PIEZO2: variants seen among roughly 807,000 people sequenced by gnomAD.
The protein encoded by PIEZO2 is piezo-type mechanosensitive ion channel component 2.
In PIEZO2, 172 loss-of-function variants were observed where a neutral mutation model predicts 337.3. That is an observed-to-expected ratio of 0.51 (90% CI 0.45 to 0.58). The LOEUF (loss-of-function observed/expected upper bound fraction) is 0.58. Among genes scored for constraint, PIEZO2 ranks in the 20% least tolerant of loss-of-function variants. The pLI, the probability that PIEZO2 is intolerant of heterozygous loss-of-function variation, is 0.00. For synonymous variants in PIEZO2, 1,251 were observed against 1,228.5 expected (o/e 1.02, Z -0.38); for missense variants, 3,028 against 3,391.3 (o/e 0.89, Z 2.66).
intron 2 of PIEZO2, among the ~76,000 whole-genome samples, chr18:10,991,009 A>G (rs534908649): frequency 1.3e-5 from 2 of 152,128 alleles, no homozygotes; most frequent in South Asian, 4.2e-4. Flanking sequence ...GTATTAAGGT[A>G]ATCTTAGTTA....
chr18:11,117,152 T>C (rs771260347), intron 1 of PIEZO2, among the ~76,000 whole-genome samples: 1 of 152,164 alleles, frequency 6.6e-6, no homozygotes, highest in Non-Finnish European at 1.5e-5. Context: ...AGAGAAGATT[T>C]GAAATGTTCC....
chr18:11,078,835 G>A lies in PIEZO2; in HGVS notation c.65-12613C>T, dbSNP rs548619025. ...AGAGTATTTGGCCTTACATTTCATC[G>A]AATCACAGAGTCTGTGTTACTGAGA... On this transcript the variant is annotated intron_variant, in intron 1 of 55. Coordinates refer to ENST00000674853, the MANE Select transcript of PIEZO2 (RefSeq NM_001378183.1). This position sits in a 1 kb window ranked among gnomAD's most constrained non-coding sequence, Gnocchi z 5.3. Among the ~76,000 whole-genome samples, 58 of 152,232 alleles carry A rather than the reference G, an allele frequency of 3.8e-4. No homozygotes were observed. Among genetic ancestry groups the A allele is most frequent in the African/African-American group, 1.3e-3 (56 of 41,536 alleles).
At chr18:11,061,374 C>G (rs2037948787) in intron 2 of PIEZO2, among the ~76,000 whole-genome samples, 2 of 150,610 alleles carry the variant, frequency 1.3e-5, no homozygotes, top group African/African-American at 4.9e-5. Context: ...CTCACCACTC[C>G]TATTCAACAT....
intron 3 of PIEZO2, among the ~76,000 whole-genome samples, chr18:10,959,758 T>G (rs1021547230): frequency 2.7e-4 from 41 of 152,122 alleles, no homozygotes; most frequent in African/African-American, 9.4e-4. Flanking sequence ...ATAACAAACA[T>G]CTACATTTCT....
intron 49 of PIEZO2, among the ~76,000 whole-genome samples, chr18:10,689,126 A>T (rs1314307668): frequency 6.6e-6 from 1 of 152,240 alleles, no homozygotes; most frequent in Admixed American, 6.5e-5. Flanking sequence ...GCTCTTATGC[A>T]ACAGACTCTT....
At chr18:10,977,089 A>G (rs1183356636) in intron 3 of PIEZO2, among the ~76,000 whole-genome samples, 1 of 151,578 alleles carries the variant, frequency 6.6e-6, no homozygotes, top group African/African-American at 2.4e-5. Flanking sequence ...CAGAGTAACT[A>G]CAGTTATAAA....
intron 2 of PIEZO2, among the ~76,000 whole-genome samples, chr18:11,004,688 C>T (rs1242890035): frequency 1.3e-5 from 2 of 152,190 alleles, no homozygotes; most frequent in Admixed American, 1.3e-4. Flanking sequence ...GCCAATGGAT[C>T]TCCTTGCTGA....
rs1426696742 is a variant in PIEZO2, at chr18:11,105,007, G to A, written c.65-38785C>T. 6.6e-6 allele frequency among the ~76,000 whole-genome samples: 1 copy of A among 152,154 alleles called. No homozygotes were observed. Among genetic ancestry groups the A allele is most frequent in the African/African-American group, 2.4e-5 (1 of 41,436 alleles). On this transcript the variant is annotated intron_variant, in intron 1 of 55. Transcript: ENST00000674853. This position sits in a 1 kb window ranked among gnomAD's most constrained non-coding sequence, Gnocchi z 4.3. ...AATGGAAAAGAGATACTTTTGTCAT[G>A]GGAATCACTAGCTCGAAGTCTGTTA...
At chr18:10,758,678 T>C (rs7229765) in intron 26 of PIEZO2, among the ~76,000 whole-genome samples, 88,827 of 152,072 alleles carry the variant, frequency 0.58, 26,845 homozygotes, top group African/African-American at 0.73. Context: ...TATCTTTTTA[T>C]GTGTGGTGGA....
At position 10,699,173 on chromosome 18, in the gene PIEZO2, T is replaced by C. The variant is rs1170180818; in HGVS notation, c.6446A>G (p.His2149Arg). 1.9e-5 allele frequency: 29 copies of C among 1,537,144 alleles called. No homozygotes were observed. The highest frequency in any genetic ancestry group is 2.2e-5 in the Non-Finnish European group (25 of 1,146,916). ...CATGTCATCTTCATCCCATAAGCCA[T>C]GGCACTGAGAAAGCAGGGACAGGGA... ...LFFHRSILKC[H>R]GLWDEDDMTE... The change falls in exon 44 of 56, where the codon CAT (histidine) becomes CGT (arginine). Residue 2149 changes from histidine to arginine, a missense_variant. Transcript: ENST00000674853.
rs750640538 is a variant in PIEZO2, at chr18:10,794,357, G to A, written c.1758+415C>T. Among the ~76,000 whole-genome samples, 8 of 152,116 alleles carry A rather than the reference G, an allele frequency of 5.3e-5. No homozygotes were observed. The highest frequency in any genetic ancestry group is 1.0e-4 in the Non-Finnish European group (7 of 68,024). On this transcript the variant is annotated intron_variant, in intron 13 of 55. Transcript: ENST00000674853. This position sits in a 1 kb window ranked among gnomAD's most constrained non-coding sequence, Gnocchi z 6.6. ...CTTTAGGAAAGAATTGGAGAAAAAC[G>A]TCATGAATAATCAATACTTATCTGT...
intron 4 of PIEZO2, among the ~76,000 whole-genome samples, chr18:10,904,848 T>G (rs1219416937): frequency 6.6e-6 from 1 of 152,164 alleles, no homozygotes; most frequent in African/African-American, 2.4e-5. Flanking sequence ...ACTCTGGAAG[T>G]TGTGGGAATT....
chr18:10,697,667 C>A (rs28546363), intron 45 of PIEZO2, 81 bp downstream of exon 45: 1 of 1,532,078 alleles, frequency 6.5e-7, no homozygotes. Flanking sequence ...TACTTCTCTG[C>A]TCTGCTCCTG....
rs191125757 is a variant in PIEZO2 at position 10,942,827 on chromosome 18, C to T, written c.287-31599G>A. On this transcript the variant is annotated intron_variant, in intron 3 of 55. Transcript: ENST00000674853. The surrounding 1 kb of genome is among the most constrained non-coding windows in gnomAD (Gnocchi z 4.4). ...CACAAGCCTGAAGGCCTAGGTAAAA[C>T]AAGTGATTTAGTAGGCCAGGCTCAG... Among the ~76,000 whole-genome samples the T allele has an allele frequency of 8.5e-5, 13 of 152,228 alleles. No homozygotes were observed. Among genetic ancestry groups the T allele is most frequent in the Middle Eastern group, 3.4e-3 (1 of 294 alleles).
chr18:10,704,355 C>T (rs981306350), intron 42 of PIEZO2, 39 bp downstream of exon 42: 26 of 1,529,828 alleles, frequency 1.7e-5, no homozygotes, highest in South Asian at 8.4e-5. Context: ...CTTGCATAGC[C>T]GCCTGAAGCC....
intron 12 of PIEZO2, among the ~76,000 whole-genome samples, chr18:10,796,297 G>A (rs1234757043): frequency 1.3e-5 from 2 of 151,688 alleles, no homozygotes; most frequent in African/African-American, 4.8e-5. Context: ...GTGAACCCGA[G>A]AGGTGGAGCT....
chr18:11,076,274 C>T (rs2038541310), intron 1 of PIEZO2, among the ~76,000 whole-genome samples: 1 of 152,140 alleles, frequency 6.6e-6, no homozygotes, highest in Non-Finnish European at 1.5e-5. Context: ...ACATTAATTT[C>T]ATTAAATAAA....
In PIEZO2 at chr18:10,824,329, A is replaced by C. The variant is rs2040606715; in HGVS notation, c.918-17055T>G. ...GCCTTCAAGACCTTAATATTTGCAG[A>C]GCCTTGGTTTCCCATCTGCAGCTTT... On this transcript the variant is annotated intron_variant, in intron 7 of 55. Transcript: ENST00000674853. The surrounding 1 kb of genome is among the most constrained non-coding windows in gnomAD (Gnocchi z 4.4). 6.6e-6 allele frequency among the ~76,000 whole-genome samples: 1 copy of C among 152,222 alleles called. No homozygotes were observed. Among genetic ancestry groups the C allele is most frequent in the South Asian group, 2.1e-4 (1 of 4,836 alleles).
At chr18:10,779,513 C>G (rs1470351053) in intron 18 of PIEZO2, among the ~76,000 whole-genome samples, 1 of 152,144 alleles carries the variant, frequency 6.6e-6, no homozygotes, top group Non-Finnish European at 1.5e-5. Context: ...TTTTATCTCC[C>G]TAGCTAGGTG....
Sources: gnomAD v4.1 joint callset for allele counts (sites outside exome capture counted in the v4.1 genomes callset) on GRCh38, gnomAD v4.1.1 for gene constraint, Gnocchi (gnomAD v3.1) non-coding constraint, MANE v1.5 for transcripts, NCBI Gene and HGNC (gene_info 2026-07-23, HGNC 2026-07-21) for gene names.